Variants in LSAMP observed in about 807,000 individuals in gnomAD.
LSAMP encodes the protein limbic system associated membrane protein, also known as limbic system-associated membrane protein.
In LSAMP, 7 loss-of-function variants were observed where a neutral mutation model predicts 38.6. That is an observed-to-expected ratio of 0.18 (90% CI 0.10 to 0.34). LSAMP has a LOEUF of 0.34. Ranked by LOEUF, LSAMP falls within the 10% of genes least tolerant of loss-of-function variation. The probability of loss-of-function intolerance (pLI) is 1.00; values close to 1 mark genes in which losing one functional copy is unlikely to be tolerated. For synonymous variants in LSAMP, 154 were observed against 166.8 expected, an observed-to-expected ratio of 0.92 and a Z score of 0.59; for missense variants, 313 against 420.0, an observed-to-expected ratio of 0.75 and a Z score of 2.23.
intron 3 of LSAMP, among the ~76,000 whole-genome samples, chr3:115,920,065 A>C (rs1173995821): frequency 6.6e-6 from 1 of 152,174 alleles, no homozygotes; most frequent in Non-Finnish European, 1.5e-5. Context: ...TTGCATATAT[A>C]CCACATTTTT....
Position 116,307,235 on chromosome 3 carries a change from C to G in LSAMP, c.155+137642G>C, listed in dbSNP as rs545927626. ...AGCAGTCACTTAAATGGACAGAACA[C>G]TATAATAAGTAATTTAGAAGAGCAG... On this transcript the variant is annotated intron_variant, in intron 1 of 6. Coordinates refer to ENST00000490035, the MANE Select transcript of LSAMP (RefSeq NM_002338.5). Among the ~76,000 whole-genome samples, 3 of 152,084 alleles carry G rather than the reference C, an allele frequency of 2.0e-5. No individual in the cohort carries two copies. In the South Asian group the frequency reaches 6.2e-4, roughly 32 times the overall value.
chr3:116,197,228 T>C (rs1576425620), intron 1 of LSAMP, among the ~76,000 whole-genome samples: 1 of 152,218 alleles, frequency 6.6e-6, no homozygotes, highest in South Asian at 2.1e-4. Flanking sequence ...AACCTTTCTC[T>C]GTCCTCTCTT....
At chr3:116,174,362 C>T (rs575119310) in intron 1 of LSAMP, among the ~76,000 whole-genome samples, 8 of 152,074 alleles carry the variant, frequency 5.3e-5, no homozygotes, top group Admixed American at 5.3e-4. Flanking sequence ...TAAGTAATAG[C>T]TGTTTAACAC....
chr3:116,020,683 A>T (rs960746090), intron 2 of LSAMP, among the ~76,000 whole-genome samples: 2 of 152,224 alleles, frequency 1.3e-5, no homozygotes, highest in Non-Finnish European at 2.9e-5. Context: ...GCAACATTAG[A>T]TCACACGTCG....
At chr3:116,193,021 G>A (rs1397520510) in intron 1 of LSAMP, among the ~76,000 whole-genome samples, 1 of 152,126 alleles carries the variant, frequency 6.6e-6, no homozygotes, top group African/African-American at 2.4e-5. Context: ...TAGATGAATA[G>A]TTTCCTGTAC....
At chr3:115,944,276 C>A (rs577553611) in intron 3 of LSAMP, among the ~76,000 whole-genome samples, 1 of 152,076 alleles carries the variant, frequency 6.6e-6, no homozygotes, top group African/African-American at 2.4e-5. Flanking sequence ...AAGAACATAT[C>A]GACCCTAGGC....
At chr3:116,338,989 G>C (rs1425245803) in intron 1 of LSAMP, among the ~76,000 whole-genome samples, 1 of 152,024 alleles carries the variant, frequency 6.6e-6, no homozygotes, top group Non-Finnish European at 1.5e-5. Context: ...GACTTTGTTA[G>C]AGTGTTGTCA....
intron 3 of LSAMP, among the ~76,000 whole-genome samples, chr3:115,907,263 T>G (rs547882941): frequency 2.8e-4 from 43 of 152,262 alleles, no homozygotes; most frequent in Non-Finnish European, 5.9e-4. Context: ...GCATAAAATT[T>G]ATATGTTGCA....
Position 116,406,807 on chromosome 3 carries a change from C to T in LSAMP, c.155+38070G>A, listed in dbSNP as rs148329359. ...AGGTAGAACAAAATAAAGAGAGTAA[C>T]AGGGAGACTGAGAGAAAAAAATAGC... On this transcript the variant is annotated intron_variant, in intron 1 of 6. Transcript: ENST00000490035. 4.2e-4 allele frequency among the ~76,000 whole-genome samples: 63 copies of T among 151,438 alleles called. 2 individuals carry two copies. In the East Asian group the frequency reaches 0.012, roughly 29 times the overall value.
intron 4 of LSAMP, among the ~76,000 whole-genome samples, chr3:115,850,551 C>T (rs1043758907): frequency 2.0e-5 from 3 of 152,114 alleles, no homozygotes; most frequent in Non-Finnish European, 2.9e-5. Context: ...TATAACATTG[C>T]GATCATTAAT....
chr3:116,186,985 T>C (rs1710633972), intron 1 of LSAMP, among the ~76,000 whole-genome samples: 1 of 152,160 alleles, frequency 6.6e-6, no homozygotes, highest in Non-Finnish European at 1.5e-5. Flanking sequence ...GGGGTGGTGA[T>C]GTGTATGTAG....
intron 1 of LSAMP, among the ~76,000 whole-genome samples, chr3:116,114,356 G>C (rs1259216390): frequency 6.6e-6 from 1 of 152,222 alleles, no homozygotes; most frequent in African/African-American, 2.4e-5. Flanking sequence ...GCTGGGAGCA[G>C]TGTCCAGAGC....
At chr3:116,047,633 C>A (rs934975486) in intron 2 of LSAMP, among the ~76,000 whole-genome samples, 3 of 152,106 alleles carry the variant, frequency 2.0e-5, no homozygotes, top group Non-Finnish European at 2.9e-5. Context: ...CAAGACCCTG[C>A]CCCTATTTTC....
intron 1 of LSAMP, among the ~76,000 whole-genome samples, chr3:116,121,041 A>G (rs1451255277): frequency 1.3e-5 from 2 of 152,196 alleles, no homozygotes; most frequent in Admixed American, 6.5e-5. Flanking sequence ...ACTAGGGGCA[A>G]TGTGATGGCT....
At chr3:115,920,016 T>TATAAC (rs71616335) in intron 3 of LSAMP, among the ~76,000 whole-genome samples, 29,999 of 152,044 alleles carry the variant, frequency 0.2, 3,289 homozygotes, top group African/African-American at 0.3. Flanking sequence ...TCTTGTAACT[T>TATAAC]AGAATTTCCT....
At chr3:115,813,062 T>C (rs1224223324) in intron 6 of LSAMP, among the ~76,000 whole-genome samples, 2 of 152,246 alleles carry the variant, frequency 1.3e-5, no homozygotes, top group East Asian at 3.9e-4. Context: ...ATATTATTGA[T>C]CTTTTACAAA....
At chr3:116,230,060 T>A (rs1051022621) in intron 1 of LSAMP, among the ~76,000 whole-genome samples, 88 of 152,070 alleles carry the variant, frequency 5.8e-4, no homozygotes, top group Admixed American at 5.7e-3. Context: ...AATAAGAAAG[T>A]GTTGAGGCAG....
chr3:116,397,044 A>T (rs777160481), intron 1 of LSAMP, among the ~76,000 whole-genome samples: 1 of 152,128 alleles, frequency 6.6e-6, no homozygotes, highest in South Asian at 2.1e-4. Context: ...TTCTATTCTC[A>T]ACATAAGAGC....
intron 1 of LSAMP, among the ~76,000 whole-genome samples, chr3:116,105,757 T>A (rs1708451901): frequency 6.6e-6 from 1 of 152,230 alleles, no homozygotes; most frequent in Non-Finnish European, 1.5e-5. Context: ...TCACAGGGGA[T>A]GCGATGGCTT....
Sources: gnomAD v4.1 joint callset for allele counts (sites outside exome capture counted in the v4.1 genomes callset) on GRCh38, gnomAD v4.1.1 for gene constraint, MANE v1.5 for transcripts, NCBI Gene and HGNC (gene_info 2026-07-23, HGNC 2026-07-21) for gene names.